FAAH2: variants seen among roughly 807,000 people sequenced by gnomAD.
FAAH2 encodes fatty acid amide hydrolase 2.
In FAAH2, 60 loss-of-function variants were observed where a neutral mutation model predicts 36.9. That is an observed-to-expected ratio of 1.63 (90% CI 1.32 to 2.02). The LOEUF (loss-of-function observed/expected upper bound fraction) is 2.02, where lower values mean the gene tolerates loss of function less well. Ranked by LOEUF, FAAH2 falls within the 30% of genes most tolerant of loss-of-function variation. FAAH2 has a pLI of 0.00. For synonymous variants in FAAH2, 214 were observed against 143.8 expected (o/e 1.49, Z -3.49); for missense variants, 689 against 397.5 (o/e 1.73, Z -6.23).
the FAAH2 span, among the ~76,000 whole-genome samples, chrX:57,235,520 C>A: frequency 5.4e-5 from 6 of 111,646 alleles, no homozygotes; most frequent in Non-Finnish European, 9.4e-5. Flanking sequence ...TATATATTTA[C>A]ACTTCAAAAA....
intron 7 of FAAH2, among the ~76,000 whole-genome samples, chrX:57,419,836 G>T (rs1387384760): frequency 2.7e-5 from 3 of 111,694 alleles, no homozygotes; most frequent in Non-Finnish European, 5.7e-5. Context: ...TTCTTCTAGG[G>T]TTTTTATGGT....
At chrX:57,424,470 C>T (rs1174495786) in intron 7 of FAAH2, among the ~76,000 whole-genome samples, 1 of 111,993 alleles carries the variant, frequency 8.9e-6, no homozygotes, top group East Asian at 2.8e-4. Flanking sequence ...CTGACACAAG[C>T]TTGAGGTATA....
intron 5 of FAAH2, among the ~76,000 whole-genome samples, chrX:57,367,989 A>G (rs2054459507): frequency 8.9e-6 from 1 of 111,759 alleles, no homozygotes; most frequent in East Asian, 2.8e-4. Flanking sequence ...TGAGGGCAAT[A>G]ACCACTTCAT....
the FAAH2 span, among the ~76,000 whole-genome samples, chrX:57,263,326 T>C: frequency 1.3e-4 from 15 of 111,720 alleles, no homozygotes; most frequent in Admixed American, 2.9e-4. Context: ...ACATTGAAAT[T>C]AAAAGTACAA....
At chrX:57,192,399 G>A in the FAAH2 span, among the ~76,000 whole-genome samples, 1 of 111,379 alleles carries the variant, frequency 9.0e-6, no homozygotes, top group Non-Finnish European at 1.9e-5. Flanking sequence ...TTGAAAACAA[G>A]AATAATTTGA....
At chrX:57,220,681 A>G in the FAAH2 span, among the ~76,000 whole-genome samples, 297 of 112,198 alleles carry the variant, frequency 2.6e-3, 1 homozygote, top group African/African-American at 9.0e-3. Flanking sequence ...CTCCACACAG[A>G]AGCCTCCTAA....
chrX:57,328,435 T>G (rs2053290741), intron 3 of FAAH2, among the ~76,000 whole-genome samples: 1 of 112,190 alleles, frequency 8.9e-6, no homozygotes. Flanking sequence ...CTATACTGAC[T>G]ATTTTGTCTT....
At chrX:57,150,216 CT>C in the FAAH2 span, among the ~76,000 whole-genome samples, 1 of 111,901 alleles carries the variant, frequency 8.9e-6, no homozygotes, top group Non-Finnish European at 1.9e-5. Flanking sequence ...TGATGTGGTG[CT>C]GAAAAGAATG....
At chrX:57,438,847 C>A (rs1444823870) in intron 8 of FAAH2, among the ~76,000 whole-genome samples, 1 of 103,385 alleles carries the variant, frequency 9.7e-6, no homozygotes, top group African/African-American at 3.5e-5. Context: ...TGAGAACATG[C>A]GGTGTTTGGT....
At chrX:57,194,739 C>T in the FAAH2 span, among the ~76,000 whole-genome samples, 2 of 110,410 alleles carry the variant, frequency 1.8e-5, no homozygotes, top group Admixed American at 9.7e-5. Flanking sequence ...CTCACCTACT[C>T]CCCCCCTTCC....
the FAAH2 span, among the ~76,000 whole-genome samples, chrX:57,181,339 C>T: frequency 9.0e-6 from 1 of 111,561 alleles, no homozygotes; most frequent in East Asian, 2.8e-4. Flanking sequence ...TCTAGAAAAC[C>T]CTGTATTCCC....
At chrX:57,343,211 G>A (rs2053733491) in intron 5 of FAAH2, among the ~76,000 whole-genome samples, 1 of 111,796 alleles carries the variant, frequency 8.9e-6, no homozygotes, top group African/African-American at 3.3e-5. Flanking sequence ...TTTCCAAAGG[G>A]CTGAACTAAT....
At chrX:57,295,565 G>A (rs893802400) in intron 2 of FAAH2, among the ~76,000 whole-genome samples, 6 of 112,019 alleles carry the variant, frequency 5.4e-5, no homozygotes, top group Admixed American at 4.7e-4. Flanking sequence ...CATTTCCAAC[G>A]GAGGTACTGG....
At chrX:57,388,899 C>T (rs903660248) in intron 7 of FAAH2, among the ~76,000 whole-genome samples, 25 of 110,177 alleles carry the variant, frequency 2.3e-4, no homozygotes, top group African/African-American at 7.2e-4. Context: ...TTGAAATACG[C>T]ATTTAAGTTC....
intron 8 of FAAH2, among the ~76,000 whole-genome samples, chrX:57,435,812 T>C (rs1252905985): frequency 2.7e-5 from 3 of 111,027 alleles, no homozygotes; most frequent in Non-Finnish European, 5.7e-5. Flanking sequence ...CAAAGAAATA[T>C]TGAACTTATT....
intron 7 of FAAH2, among the ~76,000 whole-genome samples, chrX:57,401,062 G>A (rs1043847788): frequency 9.0e-6 from 1 of 111,703 alleles, no homozygotes; most frequent in Non-Finnish European, 1.9e-5. Context: ...GACAGAGCCT[G>A]CAGTCAGCCG....
At chrX:57,447,809 G>T (rs917983369) in intron 9 of FAAH2, among the ~76,000 whole-genome samples, 1 of 111,913 alleles carries the variant, frequency 8.9e-6, no homozygotes, top group Non-Finnish European at 1.9e-5. Context: ...CTCTGAACCT[G>T]TGATGGAAGG....
intron 3 of FAAH2, among the ~76,000 whole-genome samples, chrX:57,329,378 G>A (rs1007584146): frequency 1.8e-5 from 2 of 111,252 alleles, no homozygotes; most frequent in Non-Finnish European, 3.8e-5. Flanking sequence ...GCATGTTCCT[G>A]TAGGTGGCAG....
chrX:57,394,180 A>G, intron 7 of FAAH2: 1 of 650,253 alleles, frequency 1.5e-6, no homozygotes, highest in Non-Finnish European at 2.6e-6. Flanking sequence ...CTGCAACACC[A>G]CCTTTTATTC....
Sources: allele counts gnomAD v4.1 joint callset (sites outside exome capture counted in the v4.1 genomes callset), GRCh38; gene constraint gnomAD v4.1.1; transcripts MANE v1.5; gene names NCBI Gene and HGNC (gene_info 2026-07-23, HGNC 2026-07-21).